SPRED2: variants seen among roughly 807,000 people sequenced by gnomAD.
SPRED2 encodes the protein sprouty-related, EVH1 domain-containing protein 2.
In SPRED2, 47 loss-of-function variants were observed where a neutral mutation model predicts 43.0. The ratio of observed to expected loss-of-function variants is 1.09; its 90% CI spans 0.87 to 1.40. The LOEUF is 1.40. Ranked by LOEUF, SPRED2 falls within the 40% of genes most tolerant of loss-of-function variation. The probability of loss-of-function intolerance (pLI) is 0.00; values close to 1 mark genes in which losing one functional copy is unlikely to be tolerated. For missense variants in SPRED2, 561 were observed against 586.4 expected (o/e 0.96, Z 0.45); for synonymous variants, 225 against 225.7 (o/e 1.00, Z 0.03).
chr2:65,322,234 CT>C (rs1673437586), intron 4 of SPRED2, among the ~76,000 whole-genome samples: 1 of 14,716 alleles, frequency 6.8e-5, no homozygotes, highest in African/African-American at 4.7e-4. Flanking sequence ...CCTTTCCTCT[CT>C]CTCTCTCTCT....
Position 65,316,789 on chromosome 2 carries a change from T to A in SPRED2, c.533A>T (p.Tyr178Phe), listed in dbSNP as rs1325083140. 9 of 1,613,356 alleles carry A rather than the reference T, an allele frequency of 5.6e-6. No individual in the cohort carries two copies. Among genetic ancestry groups the A allele is most frequent in the Non-Finnish European group, 6.8e-6 (8 of 1,179,788 alleles). The change falls in exon 5 of 6, where the codon TAT becomes TTT. Residue 178 changes from tyrosine to phenylalanine, a missense_variant. Tyr to Phe is a conservative substitution (Grantham distance 22). Coordinates refer to ENST00000356388, the MANE Select transcript of SPRED2 (RefSeq NM_181784.3). ...TGAGTCGTGGAGGTGGCCCAGGGTATAAATCCTCCGGTGCTCACAGGATGT... is the reference window on the plus strand; with the variant it reads ...TGAGTCGTGGAGGTGGCCCAGGGTAAAAATCCTCCGGTGCTCACAGGATGT... ...SPTSCEHRRI[Y>F]TLGHLHDSYP...
intron 1 of SPRED2, among the ~76,000 whole-genome samples, chr2:65,426,294 T>TTATA (rs140758615): frequency 6.6e-6 from 1 of 151,252 alleles, no homozygotes. Context: ...CTCAGGAGGC[T>TTATA]TATATATATA....
intron 1 of SPRED2, among the ~76,000 whole-genome samples, chr2:65,409,551 A>G (rs1482251926): frequency 1.3e-5 from 2 of 152,126 alleles, no homozygotes; most frequent in African/African-American, 4.8e-5. Context: ...GCCTCCCTAT[A>G]ATAACACAGC....
chr2:65,328,716 T>A (rs540703560), intron 4 of SPRED2, among the ~76,000 whole-genome samples: 1 of 152,212 alleles, frequency 6.6e-6, no homozygotes, highest in South Asian at 2.1e-4. Context: ...GAGAATCCAG[T>A]TTAGAATGGA....
At chr2:65,342,154 TA>T (rs1341225548) in intron 2 of SPRED2, among the ~76,000 whole-genome samples, 1 of 149,390 alleles carries the variant, frequency 6.7e-6, no homozygotes, top group Non-Finnish European at 1.5e-5. Flanking sequence ...TTTATATGTA[TA>T]TTTTATATAC....
Position 65,311,453 on chromosome 2 carries a change from C to T in SPRED2, c.*2048G>A, listed in dbSNP as rs948499914. 4 of 985,654 alleles carry T rather than the reference C, an allele frequency of 4.1e-6. No individual in the cohort carries two copies. The highest frequency in any genetic ancestry group is 1.7e-5 in the African/African-American group (1 of 57,216). 61.1% of individuals were successfully genotyped at this position (985,654 alleles called of 1,614,324 possible). On this transcript the variant is annotated 3_prime_UTR_variant, in exon 6 of 6. Coordinates refer to ENST00000356388, the MANE Select transcript of SPRED2 (RefSeq NM_181784.3). ...AAACAAAAAACAGCTGGGATATGTG[C>T]GTTCTTATTGAAATAAATAGGGGCA...
At chr2:65,410,110 G>T (rs1294097380) in intron 1 of SPRED2, among the ~76,000 whole-genome samples, 1 of 152,064 alleles carries the variant, frequency 6.6e-6, no homozygotes, top group Admixed American at 6.5e-5. Flanking sequence ...AATGGCTCAC[G>T]CCTGTAATAC....
intron 1 of SPRED2, among the ~76,000 whole-genome samples, chr2:65,401,937 G>GCGCGCGCGCGCGCACA (rs776512353): frequency 3.5e-4 from 40 of 114,758 alleles, no homozygotes; most frequent in African/African-American, 1.2e-3. Context: ...GCGCGCGCGC[G>GCGCGCGCGCGCGCACA]CACACACACA....
At position 65,313,052 on chromosome 2, in the gene SPRED2, A is replaced by G; in HGVS notation, c.*449T>C. Reference sequence around the variant, plus strand: ...GCTGAACCAGATGCTTGCTAGCGACAGGCAAGGTGAACCAAGAGAAAGAGA... The same window carrying G: ...GCTGAACCAGATGCTTGCTAGCGACGGGCAAGGTGAACCAAGAGAAAGAGA... On this transcript the variant is annotated 3_prime_UTR_variant, in exon 6 of 6. Coordinates refer to ENST00000356388, the MANE Select transcript of SPRED2 (RefSeq NM_181784.3). 1 of 987,516 alleles carries G rather than the reference A, an allele frequency of 1.0e-6. No individual in the cohort carries two copies. The highest frequency in any genetic ancestry group is 1.2e-6 in the Non-Finnish European group (1 of 831,410). 61.2% of individuals were successfully genotyped at this position (987,516 alleles called of 1,614,324 possible).
chr2:65,354,722 A>T (rs965866162), intron 1 of SPRED2, among the ~76,000 whole-genome samples: 3 of 152,234 alleles, frequency 2.0e-5, no homozygotes, highest in Non-Finnish European at 4.4e-5. Context: ...AATATATACA[A>T]GATGACAGAC....
At chr2:65,420,081 T>C (rs1368324748) in intron 1 of SPRED2, among the ~76,000 whole-genome samples, 1 of 151,668 alleles carries the variant, frequency 6.6e-6, no homozygotes, top group Non-Finnish European at 1.5e-5. Flanking sequence ...GTGGTGGCGC[T>C]TGCCTGTAGA....
chr2:65,315,473 C>T (rs896997430), intron 5 of SPRED2, among the ~76,000 whole-genome samples: 4 of 152,276 alleles, frequency 2.6e-5, no homozygotes, highest in Middle Eastern at 3.4e-3. Context: ...AGGGCCATGT[C>T]CCACACATTT....
At chr2:65,426,017 G>A (rs774958785) in intron 1 of SPRED2, among the ~76,000 whole-genome samples, 1 of 152,222 alleles carries the variant, frequency 6.6e-6, no homozygotes, top group Non-Finnish European at 1.5e-5. Flanking sequence ...CAGCACAGCT[G>A]TATCCACCCT....
downstream of SPRED2, among the ~76,000 whole-genome samples, chr2:65,310,222 C>T (rs1322276050): frequency 2.6e-5 from 4 of 152,076 alleles, no homozygotes; most frequent in South Asian, 4.1e-4. Context: ...CACTAAGACG[C>T]AAGGCCCCTC....
intron 1 of SPRED2, among the ~76,000 whole-genome samples, chr2:65,424,358 G>A (rs933394914): frequency 6.6e-6 from 1 of 151,934 alleles, no homozygotes; most frequent in African/African-American, 2.4e-5. Flanking sequence ...TTTTATACAC[G>A]GTACAATTAT....
At chr2:65,322,042 C>T (rs960427593) in intron 4 of SPRED2, among the ~76,000 whole-genome samples, 6 of 151,532 alleles carry the variant, frequency 4.0e-5, no homozygotes, top group South Asian at 2.1e-4. Flanking sequence ...CCTAAAGTGC[C>T]AGGATTACAG....
chr2:65,404,148 G>T (rs1251936607), intron 1 of SPRED2, among the ~76,000 whole-genome samples: 1 of 151,574 alleles, frequency 6.6e-6, no homozygotes, highest in Non-Finnish European at 1.5e-5. Context: ...GGAGATTGCA[G>T]TAAGCCGAGA....
intron 1 of SPRED2, among the ~76,000 whole-genome samples, chr2:65,396,770 G>A (rs1292882723): frequency 1.3e-5 from 2 of 152,228 alleles, no homozygotes; most frequent in East Asian, 3.8e-4. Flanking sequence ...AGAGCCAAGG[G>A]TGTTGCCATT....
In SPRED2 at chr2:65,315,942, G is replaced by A. The variant is rs553403157; in HGVS notation, c.588+792C>T. On this transcript the variant is annotated intron_variant, in intron 5 of 5. Coordinates refer to ENST00000356388, the MANE Select transcript of SPRED2 (RefSeq NM_181784.3). ...CAAAGGGCTGGGATTACAGGCATGA[G>A]CCACTGCACCTGGCCAATAATGTGA... 2.6e-5 allele frequency among the ~76,000 whole-genome samples: 4 copies of A among 152,352 alleles called. No individual in the cohort carries two copies. The South Asian group carries it at 8.3e-4, about 32-fold the overall frequency.
Sources: gnomAD v4.1 joint callset for allele counts (sites outside exome capture counted in the v4.1 genomes callset) on GRCh38, gnomAD v4.1.1 for gene constraint, MANE v1.5 for transcripts, NCBI Gene and HGNC (gene_info 2026-07-23, HGNC 2026-07-21) for gene names.